SULF1: variants seen among roughly 807,000 people sequenced by gnomAD.
SULF1 encodes sulfatase 1.
A neutral mutation model predicts 110.5 loss-of-function variants in SULF1; 46 were observed. The ratio of observed to expected loss-of-function variants is 0.42; its 90% CI spans 0.33 to 0.53. The LOEUF (loss-of-function observed/expected upper bound fraction) is 0.53, where lower values mean the gene tolerates loss of function less well. SULF1 is among the 20% of genes least tolerant of loss of function. The pLI is 0.12. For missense variants in SULF1, 941 were observed against 1,094.2 expected (o/e 0.86, Z 1.98); for synonymous variants, 371 against 387.1 (o/e 0.96, Z 0.49).
intron 15 of SULF1, 62 bp from the exon 16 acceptor site, chr8:69,627,148 C>T (rs1810141205): frequency 4.7e-6 from 6 of 1,278,626 alleles, no homozygotes; most frequent in Non-Finnish European, 5.6e-6. Flanking sequence ...TCTTTGTTAT[C>T]TTTAGTGTTT....
intron 5 of SULF1, among the ~76,000 whole-genome samples, chr8:69,573,353 G>A (rs1805376268): frequency 6.6e-6 from 1 of 152,196 alleles, no homozygotes; most frequent in Admixed American, 6.5e-5. Context: ...GTGATGAATT[G>A]GGATAAGTTT....
At chr8:69,616,177 TATATAA>T (rs1809114131) in intron 13 of SULF1, among the ~76,000 whole-genome samples, 1 of 146,128 alleles carries the variant, frequency 6.8e-6, no homozygotes, top group Admixed American at 6.9e-5. Flanking sequence ...TATATATGTG[TATATAA>T]ATATATATAC....
intron 5 of SULF1, among the ~76,000 whole-genome samples, chr8:69,571,953 A>G (rs1013165688): frequency 6.6e-6 from 1 of 152,178 alleles, no homozygotes; most frequent in African/African-American, 2.4e-5. Flanking sequence ...CAGAGAATCC[A>G]TAGAGATCAG....
At chr8:69,589,403 G>A (rs1334589746) in intron 8 of SULF1, among the ~76,000 whole-genome samples, 1 of 152,230 alleles carries the variant, frequency 6.6e-6, no homozygotes, top group Non-Finnish European at 1.5e-5. Flanking sequence ...CACATAGAGT[G>A]AATGGGGGCA....
Position 69,492,975 on chromosome 8 carries a change from C to A in SULF1, c.-541C>A, listed in dbSNP as rs895076024. The A allele has an allele frequency of 3.3e-5, 5 of 152,592 alleles. No individual in the cohort carries two copies. Among genetic ancestry groups the A allele is most frequent in the African/African-American group, 9.7e-5 (4 of 41,444 alleles). 9.5% of individuals were successfully genotyped at this position (152,592 alleles called of 1,614,324 possible). ...ATCAGAGGCCAGGCCTTCCCGGCTG[C>A]CGGCGCTCCTCGGAGGTCAGGGCAG... is the stretch of plus-strand genomic sequence containing the variant. On this transcript the variant is annotated 5_prime_UTR_variant, in exon 1 of 23. Coordinates refer to ENST00000402687, the MANE Select transcript of SULF1 (RefSeq NM_001128205.2).
chr8:69,577,052 C>A (rs1019654886), intron 6 of SULF1, among the ~76,000 whole-genome samples: 1 of 152,184 alleles, frequency 6.6e-6, no homozygotes, highest in Admixed American at 6.5e-5. Flanking sequence ...TGCAGAGCGC[C>A]CTACGGGCAC....
chr8:69,552,842 G>T (rs1814826912), intron 3 of SULF1, among the ~76,000 whole-genome samples: 1 of 152,198 alleles, frequency 6.6e-6, no homozygotes, highest in Non-Finnish European at 1.5e-5. Context: ...ATTTTGTGTG[G>T]CTCAGAAGAA....
At chr8:69,530,512 C>T (rs1813007964) in intron 3 of SULF1, among the ~76,000 whole-genome samples, 1 of 152,152 alleles carries the variant, frequency 6.6e-6, no homozygotes, top group Admixed American at 6.5e-5. Flanking sequence ...AAAACTAAAA[C>T]TTGCTTTTGT....
At chr8:69,537,827 CAG>C (rs1813527567) in intron 3 of SULF1, among the ~76,000 whole-genome samples, 1 of 152,002 alleles carries the variant, frequency 6.6e-6, no homozygotes, top group East Asian at 1.9e-4. Flanking sequence ...TCAAATTCCT[CAG>C]AGACTGTCTT....
At position 69,650,601 on chromosome 8, in the gene SULF1, C is replaced by T. The variant is rs116182450; in HGVS notation, c.2586-7904C>T. ...TTCCAACCTGGATGACAGAGCCAGACCCTGTTTCAAAAATATGAAAGAAGA... is the reference window on the plus strand; with the variant it reads ...TTCCAACCTGGATGACAGAGCCAGATCCTGTTTCAAAAATATGAAAGAAGA... On this transcript the variant is annotated intron_variant, in intron 22 of 22. Coordinates refer to ENST00000402687, the MANE Select transcript of SULF1 (RefSeq NM_001128205.2). 9.5e-3 allele frequency among the ~76,000 whole-genome samples: 1,451 copies of T among 152,252 alleles called. 13 individuals carry two copies. Among genetic ancestry groups the T allele is most frequent in the African/African-American group, 0.027 (1,132 of 41,542 alleles).
chr8:69,622,316 C>T (rs1051251775), intron 14 of SULF1, among the ~76,000 whole-genome samples: 1 of 152,176 alleles, frequency 6.6e-6, no homozygotes, highest in Non-Finnish European at 1.5e-5. Context: ...CGGTGACTCA[C>T]ATCTGTAATC....
chr8:69,597,915 C>T (rs1325746042), intron 8 of SULF1, among the ~76,000 whole-genome samples: 1 of 152,054 alleles, frequency 6.6e-6, no homozygotes, highest in Admixed American at 6.6e-5. Flanking sequence ...TTTCTCTGAC[C>T]TCGGACTACC....
upstream of SULF1, among the ~76,000 whole-genome samples, chr8:69,489,767 G>A (rs1018662986): frequency 2.0e-5 from 3 of 151,546 alleles, no homozygotes; most frequent in African/African-American, 4.8e-5. Context: ...CAGTAGAGAC[G>A]GGGTTTCACC....
At chr8:69,488,580 C>T (rs1169833734), upstream of SULF1, among the ~76,000 whole-genome samples, 2 of 152,078 alleles carry the variant, frequency 1.3e-5, no homozygotes, top group African/African-American at 2.4e-5. Context: ...CTGTTTGGCA[C>T]TAGTTCTCGG....
chr8:69,533,838 C>CT (rs1464192009), intron 3 of SULF1, among the ~76,000 whole-genome samples: 1 of 152,020 alleles, frequency 6.6e-6, no homozygotes, highest in Non-Finnish European at 1.5e-5. Context: ...AATGTGGTTA[C>CT]TTTTTTACCT....
At chr8:69,618,923 C>A (rs978261470) in intron 13 of SULF1, among the ~76,000 whole-genome samples, 1 of 152,160 alleles carries the variant, frequency 6.6e-6, no homozygotes, top group African/African-American at 2.4e-5. Flanking sequence ...CAGTTATCAG[C>A]AAAGCCATCT....
chr8:69,495,982 T>G (rs1490051999), intron 2 of SULF1, 56 bp downstream of exon 2: 1 of 152,266 alleles, frequency 6.6e-6, no homozygotes, highest in Admixed American at 6.5e-5. Context: ...TTTAACATTT[T>G]GAATGAATAG....
chr8:69,572,173 A>G lies in SULF1; in HGVS notation c.173-3797A>G, dbSNP rs191926364. On this transcript the variant is annotated intron_variant, in intron 5 of 22. Coordinates refer to ENST00000402687, the MANE Select transcript of SULF1 (RefSeq NM_001128205.2). ...AGAAAGAGAGACCTATCGCGACTGC[A>G]AGCAGACGTCAATTCTGTTTCTCAT... Among the ~76,000 whole-genome samples the G allele has an allele frequency of 5.3e-5, 8 of 152,330 alleles. No individual in the cohort carries two copies. In the East Asian group the frequency reaches 1.5e-3, roughly 29 times the overall value.
Position 69,658,605 on chromosome 8 carries a change from C to A in SULF1, c.*70C>A. On this transcript the variant is annotated 3_prime_UTR_variant, in exon 23 of 23. Transcript: ENST00000402687. ...AGCTACACAGTGTGAATGAAAACAT[C>A]TATGAGTACAGACAAAACTACAGAC... The A allele has an allele frequency of 7.9e-7, 1 of 1,268,682 alleles. No homozygotes were observed. Among genetic ancestry groups the A allele is most frequent in the Non-Finnish European group, 1.2e-6 (1 of 864,972 alleles). 78.6% of individuals were successfully genotyped at this position (1,268,682 alleles called of 1,614,324 possible). A position where few individuals can be genotyped will look rare whatever the true frequency, so the allele number is the denominator to read the frequency against.
Sources: gnomAD v4.1 joint callset for allele counts (sites outside exome capture counted in the v4.1 genomes callset) on GRCh38, gnomAD v4.1.1 for gene constraint, MANE v1.5 for transcripts, NCBI Gene and HGNC (gene_info 2026-07-23, HGNC 2026-07-21) for gene names.